The following CFAP74 variants were observed in gnomAD, a reference collection of about 807,000 sequenced individuals.
CFAP74 encodes cilia- and flagella-associated protein 74.
Under a neutral mutation model 188.9 loss-of-function variants are expected in CFAP74, and 124 were observed. The observed-to-expected ratio is 0.66, with a 90% CI of 0.57 to 0.76. The LOEUF is 0.76. Among genes scored for constraint, CFAP74 ranks in the 30% least tolerant of loss-of-function variants. The pLI is 0.00. For synonymous variants in CFAP74, 956 were observed against 916.7 expected, an observed-to-expected ratio of 1.04 and a Z score of -0.77; for missense variants, 2,198 against 2,165.2, an observed-to-expected ratio of 1.02 and a Z score of -0.30.
rs577919276 is a variant in CFAP74, at chr1:1,949,252, G to A, written c.2177-2198C>T. ...CGGCTCACCACAACCTCTGCCTCCC[G>A]GGTTCAAGTGATTCAAGTGCCTCAG... On this transcript the variant is annotated intron_variant, in intron 18 of 38. Coordinates refer to ENST00000682832, the MANE Select transcript of CFAP74 (RefSeq NM_001304360.2). 4.7e-5 allele frequency among the ~76,000 whole-genome samples: 7 copies of A among 149,066 alleles called. No homozygotes were observed. The East Asian group carries it at 8.1e-4, about 17-fold the overall frequency.
chr1:1,927,782 G>A, intron 27 of CFAP74, 36 bp from the exon 28 acceptor site: 3 of 1,536,156 alleles, frequency 2.0e-6, no homozygotes, highest in Non-Finnish European at 2.6e-6. Context: ...GGCTGTGCAG[G>A]GCCCTAAACA....
rs190488929 is a variant in CFAP74, at chr1:1,939,212, A to G, written c.2878-224T>C. On this transcript the variant is annotated intron_variant, in intron 24 of 38. Coordinates refer to ENST00000682832, the MANE Select transcript of CFAP74 (RefSeq NM_001304360.2). ...TGAGCATGTGCATGTGTGTGCACGC[A>G]TATGTGTGTGTGTGCTGGGGGGAGA... 2.6e-4 allele frequency among the ~76,000 whole-genome samples: 39 copies of G among 152,220 alleles called. No individual in the cohort carries two copies. The East Asian group carries it at 5.2e-3, about 20-fold the overall frequency.
chr1:1,982,018 C>T (rs1316140859), intron 6 of CFAP74, among the ~76,000 whole-genome samples: 2 of 139,602 alleles, frequency 1.4e-5, no homozygotes, highest in Admixed American at 1.4e-4. Context: ...CACGGGGACA[C>T]GCAGGACACC....
intron 24 of CFAP74, 132 bp downstream of exon 24, chr1:1,939,462 G>C (rs1570861898): frequency 1.2e-6 from 1 of 863,198 alleles, no homozygotes; most frequent in Non-Finnish European, 1.8e-6. Context: ...AGGTGTGGAG[G>C]GGTGCAGCTG....
chr1:1,955,750 A>C lies in CFAP74; in HGVS notation c.2117T>G (p.Met706Arg), dbSNP rs773029054. ...CTTCTCCAGCTCCTTCCGGCTCTGC[A>C]TGTCCGCCTGGGAGGACTCCGTGCC... ...LEGTESSQAD[M>R]QSRKELEKLD... The change falls in exon 18 of 39, where the codon ATG becomes AGG. Residue 706 changes from methionine to arginine, a missense_variant. Physicochemically the swap from Met to Arg is moderately conservative, Grantham distance 91 (BLOSUM62 -1). Coordinates refer to ENST00000682832, the MANE Select transcript of CFAP74 (RefSeq NM_001304360.2). 13 of 1,614,128 alleles carry C rather than the reference A, an allele frequency of 8.1e-6. No homozygotes were observed. Among genetic ancestry groups the C allele is most frequent in the South Asian group, 1.1e-5 (1 of 91,084 alleles).
chr1:1,963,897 G>C, intron 13 of CFAP74, 30 bp from the exon 14 acceptor site: 1 of 1,456,684 alleles, frequency 6.9e-7, no homozygotes, highest in Admixed American at 1.7e-5. Context: ...CAGCTTCAGA[G>C]CGGGTCACAG....
At chr1:1,955,325 G>A (rs746585973) in intron 18 of CFAP74, 49 of 1,310,674 alleles carry the variant, frequency 3.7e-5, no homozygotes, top group African/African-American at 3.1e-4. Flanking sequence ...CCGCTGGTGC[G>A]CGTCTAACAA....
intron 26 of CFAP74, 88 bp from the exon 27 acceptor site, chr1:1,928,970 T>C (rs1652140998): frequency 3.6e-6 from 3 of 834,850 alleles, no homozygotes; most frequent in African/African-American, 3.4e-5. Context: ...CCTCTGCCCG[T>C]GGACTCCCCT....
intron 30 of CFAP74, 23 bp downstream of exon 30, chr1:1,926,629 G>A: frequency 6.5e-7 from 1 of 1,547,432 alleles, no homozygotes; most frequent in African/African-American, 1.4e-5. Context: ...GGGTGGAGGT[G>A]TGGGCGGGGC....
rs141163519 is a variant in CFAP74, at chr1:1,939,723, C to T, written c.2748G>A (p.Ser916=). 3.5e-5 allele frequency: 53 copies of T among 1,536,066 alleles called. No individual in the cohort carries two copies. The African/African-American group carries it at 4.0e-4, about 11-fold the overall frequency. Residue 916 remains serine, a synonymous_variant, in exon 24 of 39, where the codon TCG becomes TCA. Coordinates refer to ENST00000682832, the MANE Select transcript of CFAP74 (RefSeq NM_001304360.2). ...CCTCCGAGGGACTGAGCTCCAGGTC[C>T]GAGGTGGTGACAATGGCATGCACGG... ...GFTVHAIVTT[S]DLELSPSEVD...
chr1:1,993,014 A>G (rs1028084845), intron 1 of CFAP74, among the ~76,000 whole-genome samples: 7 of 151,490 alleles, frequency 4.6e-5, no homozygotes, highest in Non-Finnish European at 1.0e-4. Flanking sequence ...CAGCCTGGCC[A>G]GCATGGTGAA....
At chr1:1,932,130 C>T (rs1454749263) in intron 25 of CFAP74, among the ~76,000 whole-genome samples, 4 of 150,300 alleles carry the variant, frequency 2.7e-5, no homozygotes, top group African/African-American at 4.9e-5. Flanking sequence ...GGCGCGGTGG[C>T]TCACGCCTGT....
chr1:1,988,837 C>T (rs1657403074), intron 3 of CFAP74, 52 bp downstream of exon 3: 3 of 383,306 alleles, frequency 7.8e-6, no homozygotes, highest in African/African-American at 4.9e-5. Context: ...CCCACCCCCA[C>T]CCCCACCCCC....
chr1:1,949,934 G>C (rs562923386), intron 18 of CFAP74, among the ~76,000 whole-genome samples: 2 of 152,292 alleles, frequency 1.3e-5, no homozygotes, highest in East Asian at 1.9e-4. Context: ...TGGGACATTA[G>C]AGTTGTTGGT....
At chr1:1,933,184 CCT>C (rs1652559410) in intron 25 of CFAP74, among the ~76,000 whole-genome samples, 1 of 147,848 alleles carries the variant, frequency 6.8e-6, no homozygotes, top group Non-Finnish European at 1.5e-5. Context: ...CCGTGCCTGA[CCT>C]TTTTTTTTTT....
In CFAP74 at chr1:1,991,589, C is replaced by T. The variant is rs117714447; in HGVS notation, c.-19-614G>A. On this transcript the variant is annotated intron_variant, in intron 1 of 38. Transcript: ENST00000682832. ...CTGCACTCCAGCCTGGGGACAAGAG[C>T]GAGACTCCATCTCAAGAAAAAAATG... Among the ~76,000 whole-genome samples the T allele has an allele frequency of 3.9e-3, 598 of 151,576 alleles. 16 individuals are homozygous for T. In the East Asian group the frequency reaches 0.073, roughly 19 times the overall value.
Position 1,923,166 on chromosome 1 carries a change from G to T in CFAP74, c.4523-21C>A, listed in dbSNP as rs895919142. ...GCTGGCTGGAGGGGTGTGGCCAGGG[G>T]AGCTGTTCAGGGTCAGGCTGAGGCA... On this transcript the variant is annotated intron_variant, in intron 36 of 38. Coordinates refer to ENST00000682832, the MANE Select transcript of CFAP74 (RefSeq NM_001304360.2). The surrounding 1 kb of genome is among the most constrained non-coding windows in gnomAD (Gnocchi z 6.3). The T allele has an allele frequency of 6.3e-7, 1 of 1,595,338 alleles. No individual in the cohort carries two copies. Among genetic ancestry groups the T allele is most frequent in the Non-Finnish European group, 8.5e-7 (1 of 1,172,962 alleles).
intron 21 of CFAP74, among the ~76,000 whole-genome samples, chr1:1,943,573 G>A (rs1345328775): frequency 1.3e-5 from 2 of 152,236 alleles, no homozygotes; most frequent in African/African-American, 4.8e-5. Flanking sequence ...CTTTCCCACC[G>A]GCGTGGCTGT....
chr1:1,947,647 C>T (rs531687148), intron 18 of CFAP74, among the ~76,000 whole-genome samples: 17 of 152,332 alleles, frequency 1.1e-4, no homozygotes, highest in African/African-American at 3.6e-4. Flanking sequence ...AGAGGCCACG[C>T]GCAGGTTGGC....
Sources: gnomAD v4.1 joint callset for allele counts (sites outside exome capture counted in the v4.1 genomes callset) on GRCh38, gnomAD v4.1.1 for gene constraint, Gnocchi (gnomAD v3.1) non-coding constraint, MANE v1.5 for transcripts, NCBI Gene and HGNC (gene_info 2026-07-23, HGNC 2026-07-21) for gene names.